Variants in CEP85 observed in about 807,000 individuals in gnomAD.
CEP85 encodes the protein centrosomal protein 85, also known as centrosomal protein of 85 kDa.
CEP85 carries 58 observed loss-of-function variants against 93.7 expected under a neutral mutation model. The observed-to-expected ratio is 0.62, with a 90% CI of 0.50 to 0.77. CEP85 has a LOEUF of 0.77. CEP85 is among the 30% of genes least tolerant of loss of function. The probability of loss-of-function intolerance (pLI) is 0.00; values close to 1 mark genes in which losing one functional copy is unlikely to be tolerated. For missense variants in CEP85, 868 were observed against 922.0 expected, an observed-to-expected ratio of 0.94 and a Z score of 0.76; for synonymous variants, 314 against 338.6, an observed-to-expected ratio of 0.93 and a Z score of 0.80.
At chr1:26,260,798 T>C (rs928315243) in intron 7 of CEP85, among the ~76,000 whole-genome samples, 1 of 151,936 alleles carries the variant, frequency 6.6e-6, no homozygotes, top group Non-Finnish European at 1.5e-5. Flanking sequence ...GCCTTTCTTT[T>C]TTTTTTTTTT....
chr1:26,250,608 C>A (rs1317525309), intron 3 of CEP85, among the ~76,000 whole-genome samples: 3 of 152,144 alleles, frequency 2.0e-5, no homozygotes, highest in Non-Finnish European at 4.4e-5. Context: ...AAAGACCTCA[C>A]CTTAATTTTC....
At chr1:26,270,189 G>A (rs2089954097) in intron 9 of CEP85, among the ~76,000 whole-genome samples, 1 of 152,164 alleles carries the variant, frequency 6.6e-6, no homozygotes, top group East Asian at 1.9e-4. Context: ...GTATGTATGT[G>A]TTGAATAAAT....
chr1:26,239,724 A>G, intron 1 of CEP85, 38 bp from the exon 2 acceptor site: 5 of 1,208,338 alleles, frequency 4.1e-6, no homozygotes, highest in Non-Finnish European at 6.2e-6. Context: ...AATTAAAGAT[A>G]CTTCAGAGAA....
chr1:26,247,557 ATCTTGTC>A (rs985569666), intron 3 of CEP85, among the ~76,000 whole-genome samples: 8 of 152,058 alleles, frequency 5.3e-5, no homozygotes, highest in Admixed American at 5.2e-4. Flanking sequence ...ACATAGTGAG[ATCTTGTC>A]TCCAAAAAAA....
At chr1:26,264,472 G>C (rs1452319987) in intron 7 of CEP85, among the ~76,000 whole-genome samples, 15 of 152,294 alleles carry the variant, frequency 9.8e-5, no homozygotes, top group Admixed American at 2.0e-4. Context: ...GGTGGAGGTT[G>C]CAGTGAGCTG....
chr1:26,277,221 C>T lies in CEP85; in HGVS notation c.2214C>T (p.Asp738=). ...AAGAGGTTCAACAGCTGCGTCGTGA[C>T]ATTGAGGACTTAAGGACCACCATGT... The part of the protein sequence containing the change: ...KLEEVQQLRR[D]IEDLRTTMSD... The change falls in exon 14 of 14, where the codon GAC becomes GAT. Residue 738 remains aspartate (D), a synonymous_variant. Coordinates refer to ENST00000451429, the MANE Select transcript of CEP85 (RefSeq NM_001319944.2). 1 of 1,614,074 alleles carries T rather than the reference C, an allele frequency of 6.2e-7. No homozygotes were observed. Among genetic ancestry groups the T allele is most frequent in the Non-Finnish European group, 8.5e-7 (1 of 1,179,920 alleles).
At chr1:26,246,902 G>C (rs1160980808) in intron 3 of CEP85, among the ~76,000 whole-genome samples, 2 of 152,088 alleles carry the variant, frequency 1.3e-5, no homozygotes, top group Non-Finnish European at 2.9e-5. Flanking sequence ...GCTGTATATT[G>C]CATGATTCCC....
chr1:26,276,908 A>G, intron 13 of CEP85, 148 bp downstream of exon 13: 1 of 837,996 alleles, frequency 1.2e-6, no homozygotes, highest in East Asian at 2.6e-5. Context: ...TTGTTTCACA[A>G]AGTAGGTGTT....
chr1:26,248,744 T>TTTTTTTTTTTTC (rs397979716), intron 3 of CEP85, among the ~76,000 whole-genome samples: 1 of 142,382 alleles, frequency 7.0e-6, no homozygotes. Flanking sequence ...TTTTTTTTTT[T>TTTTTTTTTTTTC]GAGACCGAGT....
chr1:26,241,524 G>A (rs770140736), intron 2 of CEP85, among the ~76,000 whole-genome samples: 20 of 151,852 alleles, frequency 1.3e-4, no homozygotes, highest in African/African-American at 4.6e-4. Context: ...GATTACAGGC[G>A]TGAGCCACTG....
intron 11 of CEP85, 26 bp from the exon 12 acceptor site, chr1:26,274,938 C>T: frequency 6.5e-7 from 1 of 1,540,116 alleles, no homozygotes; most frequent in Non-Finnish European, 8.8e-7. Context: ...TACTGTGTTC[C>T]CTCAACATCT....
At chr1:26,258,501 G>C (rs1358452346) in intron 6 of CEP85, among the ~76,000 whole-genome samples, 1 of 151,800 alleles carries the variant, frequency 6.6e-6, no homozygotes, top group African/African-American at 2.4e-5. Flanking sequence ...AAGAAAGGTA[G>C]ATAGTAAGGT....
Position 26,241,244 on chromosome 1 carries a change from A to ATT in CEP85, c.55+1421_55+1422dup, listed in dbSNP as rs71004567. On this transcript the variant is annotated intron_variant, in intron 2 of 13. Coordinates refer to ENST00000451429, the MANE Select transcript of CEP85 (RefSeq NM_001319944.2). ...ATCAATTCAAGATTCATTCAGCAGA[A>ATT]TTTTTTTTTTTTTTTTGAAATGGAG... Among the ~76,000 whole-genome samples the ATT allele has an allele frequency of 4.0e-4, 44 of 109,286 alleles. 1 individual carries two copies. Among genetic ancestry groups the ATT allele is most frequent in the Middle Eastern group, 5.7e-3 (1 of 174 alleles). The allele number at this position is 109,286 out of a possible 152,430, so 71.7% of individuals were successfully genotyped here. A position where few individuals can be genotyped will look rare whatever the true frequency, so the allele number is the denominator to read the frequency against.
Position 26,255,534 on chromosome 1 carries a change from C to A in CEP85, c.572C>A (p.Ser191Ter). The stretch of plus-strand genomic sequence containing the variant: ...AGCATGGAATCTACCCTCAATCAGT[C>A]GGCAATGATGGAGACACTTTATTCA... ...IPSMESTLNQ[S>*]AMMETLYSDP... The change falls in exon 4 of 14, where the codon TCG becomes TAG. Residue 191 changes from serine (S) to a stop codon, truncating the protein, a stop_gained. Transcript: ENST00000451429. LOFTEE classifies it high-confidence loss of function. The A allele has an allele frequency of 6.2e-7, 1 of 1,614,062 alleles. No individual in the cohort carries two copies. The highest frequency in any genetic ancestry group is 8.5e-7 in the Non-Finnish European group (1 of 1,180,018).
intron 11 of CEP85, among the ~76,000 whole-genome samples, chr1:26,273,656 G>A (rs769214662): frequency 6.6e-6 from 1 of 152,120 alleles, no homozygotes; most frequent in Non-Finnish European, 1.5e-5. Context: ...CAGCACTTTG[G>A]GAGGCCGAGG....
intron 1 of CEP85, among the ~76,000 whole-genome samples, chr1:26,237,470 CTTCT>C (rs1452368723): frequency 1.3e-5 from 2 of 152,166 alleles, no homozygotes; most frequent in African/African-American, 4.8e-5. Context: ...TTTTGTTTGG[CTTCT>C]TTGACTTTGC....
intron 7 of CEP85, among the ~76,000 whole-genome samples, chr1:26,261,697 C>A (rs2089810629): frequency 6.8e-6 from 1 of 147,552 alleles, no homozygotes; most frequent in African/African-American, 2.5e-5. Flanking sequence ...GAGTTTAAGA[C>A]AAGCCTGAAC....
At chr1:26,274,427 C>G (rs1020202104) in intron 11 of CEP85, among the ~76,000 whole-genome samples, 16 of 152,128 alleles carry the variant, frequency 1.1e-4, no homozygotes, top group Non-Finnish European at 2.2e-4. Flanking sequence ...TTGAGTGGAG[C>G]GAAGGATCAT....
intron 7 of CEP85, among the ~76,000 whole-genome samples, chr1:26,265,877 A>G (rs1335602932): frequency 6.6e-6 from 1 of 152,042 alleles, no homozygotes; most frequent in Non-Finnish European, 1.5e-5. Flanking sequence ...GCCCAGTTCA[A>G]GAACAGCCTG....
Sources: allele counts gnomAD v4.1 joint callset (sites outside exome capture counted in the v4.1 genomes callset), GRCh38; gene constraint gnomAD v4.1.1; transcripts MANE v1.5; gene names NCBI Gene and HGNC (gene_info 2026-07-23, HGNC 2026-07-21).